The following ATM variants were observed in gnomAD, a reference collection of about 807,000 sequenced individuals.
ATM encodes the protein ATM serine/threonine kinase.
A neutral mutation model predicts 387.0 loss-of-function variants in ATM; 308 were observed. The observed-to-expected ratio is 0.80, with a 90% CI of 0.73 to 0.87. The LOEUF is 0.87. Ranked by LOEUF, ATM falls within the 40% of genes least tolerant of loss-of-function variation. ATM has a pLI of 0.00. For synonymous variants in ATM, 1,156 were observed against 1,187.3 expected, an observed-to-expected ratio of 0.97 and a Z score of 0.54; for missense variants, 3,312 against 3,560.9, an observed-to-expected ratio of 0.93 and a Z score of 1.78.
chr11:108,309,718 C>T (rs563387286), intron 38 of ATM, among the ~76,000 whole-genome samples: 19 of 152,216 alleles, frequency 1.2e-4, no homozygotes, highest in African/African-American at 4.3e-4. Context: ...GAAAATAAGT[C>T]ACAATAGGAA....
Position 108,267,238 on chromosome 11 carries a change from A to G in ATM, c.2534A>G (p.Asn845Ser), listed in dbSNP as rs1060501591. Reference protein sequence around the residue: ...VESMEDDTNGNLMEVEDQSSM... With the variant: ...VESMEDDTNGSLMEVEDQSSM... ...TCAATGGAAGATGATACTAATGGAAATCTAATGGAGGTGGAGGATCAGTCA... is the reference window on the plus strand; with the variant it reads ...TCAATGGAAGATGATACTAATGGAAGTCTAATGGAGGTGGAGGATCAGTCA... Residue 845 changes from asparagine to serine, a missense_variant, in exon 17 of 63, where the codon AAT becomes AGT. Asn to Ser is a conservative substitution (Grantham distance 46, BLOSUM62 1). Coordinates refer to ENST00000675843, the MANE Select transcript of ATM (RefSeq NM_000051.4). 6.2e-7 allele frequency: 1 copy of G among 1,614,156 alleles called. No individual in the cohort carries two copies. The highest frequency in any genetic ancestry group is 8.5e-7 in the Non-Finnish European group (1 of 1,179,990).
In ATM at chr11:108,284,507, C is replaced by G. The variant is rs776708685; in HGVS notation, c.3993+34C>G. The G allele has an allele frequency of 1.1e-5, 17 of 1,608,426 alleles. No individual in the cohort carries two copies. Among genetic ancestry groups the G allele is most frequent in the Non-Finnish European group, 1.4e-5 (16 of 1,175,534 alleles). Reference sequence around the variant, plus strand: ...TCAATTTTTATGTACTTTTCATTCCCTGAATGATATGAGATATAACCTTTA... The same window carrying G: ...TCAATTTTTATGTACTTTTCATTCCGTGAATGATATGAGATATAACCTTTA... On this transcript the variant is annotated intron_variant, in intron 26 of 62. Transcript: ENST00000675843.
rs1256439576 is a variant in ATM at position 108,262,045 on chromosome 11, T to A, written c.2466+2970T>A. Among the ~76,000 whole-genome samples the A allele has an allele frequency of 7.2e-5, 11 of 152,306 alleles. No individual in the cohort carries two copies. The East Asian group carries it at 2.1e-3, about 29-fold the overall frequency. On this transcript the variant is annotated intron_variant, in intron 16 of 62. Coordinates refer to ENST00000675843, the MANE Select transcript of ATM (RefSeq NM_000051.4). Reference sequence around the variant, plus strand: ...AAGTAACGGGGAGAATGGAACCAAGTTGGAAAACACTCTGCAGGATATTAT... The same window carrying A: ...AAGTAACGGGGAGAATGGAACCAAGATGGAAAACACTCTGCAGGATATTAT...
At chr11:108,296,279 C>T (rs1166734687) in intron 32 of ATM, among the ~76,000 whole-genome samples, 1 of 150,364 alleles carries the variant, frequency 6.7e-6, no homozygotes, top group African/African-American at 2.5e-5. Context: ...GAAACGAAGT[C>T]TCACTCTGTC....
At chr11:108,244,183 T>C in intron 6 of ATM, 65 bp downstream of exon 6, 3 of 1,564,018 alleles carry the variant, frequency 1.9e-6, no homozygotes, top group South Asian at 2.3e-5. Flanking sequence ...GACCATGTTT[T>C]AGACTCAGTA....
In ATM at chr11:108,368,900, A is replaced by G. The variant is rs1037340869; in HGVS notation, c.*3392A>G. ...AAAGCAAAGAGGAAAAACTTTGGACAGCGTAAAGACTAGAATAGTCTTTTA... is the reference window on the plus strand; with the variant it reads ...AAAGCAAAGAGGAAAAACTTTGGACGGCGTAAAGACTAGAATAGTCTTTTA... On this transcript the variant is annotated 3_prime_UTR_variant, in exon 63 of 63. Coordinates refer to ENST00000675843, the MANE Select transcript of ATM (RefSeq NM_000051.4). 5.5e-5 allele frequency: 11 copies of G among 199,920 alleles called. No individual in the cohort carries two copies. Among genetic ancestry groups the G allele is most frequent in the Non-Finnish European group, 1.1e-4 (11 of 96,892 alleles). 12.4% of individuals were successfully genotyped at this position (199,920 alleles called of 1,614,324 possible).
At position 108,316,111 on chromosome 11, in the gene ATM, C is replaced by A. The variant is rs1361215494; in HGVS notation, c.6196C>A (p.Gln2066Lys). The part of the protein sequence containing the change: ...PSSTRQAGII[Q>K]ALQNLGLCHI... ...ATCAACACGCCAGGCAGGAATCATT[C>A]AGGTACATTTTTTCCCAGATTTGGT... Residue 2066 changes from glutamine to lysine, a missense_variant and splice_region_variant, in exon 42 of 63, where the codon CAG becomes AAG. Around this residue, in one of 4 missense-constraint regions of ATM, gnomAD observed 1,405 missense variants for 1,604.4 expected, o/e 0.88. Transcript: ENST00000675843. 6.2e-7 allele frequency: 1 copy of A among 1,613,586 alleles called. No individual in the cohort carries two copies. The highest frequency in any genetic ancestry group is 1.7e-5 in the Admixed American group (1 of 59,986).
chr11:108,241,931 A>G (rs2079583756), intron 5 of ATM, among the ~76,000 whole-genome samples: 4 of 151,198 alleles, frequency 2.6e-5, no homozygotes, highest in African/African-American at 9.7e-5. Context: ...TTTAGTAGAG[A>G]TAAGGTCTTA....
rs1336477936 is a variant in ATM at position 108,293,294 on chromosome 11, C to T, written c.4612-19C>T. 2.9e-6 allele frequency: 4 copies of T among 1,379,256 alleles called. No individual in the cohort carries two copies. The Admixed American group carries it at 7.3e-5, about 25-fold the overall frequency. 85.4% of individuals were successfully genotyped at this position (1,379,256 alleles called of 1,614,324 possible). A position where few individuals can be genotyped will look rare whatever the true frequency, so the allele number is the denominator to read the frequency against. ...ATTATTTCTCTCCTTATAATTTTTT[C>T]TTTTTAAATTATATTTAGGTATTGG... On this transcript the variant is annotated intron_variant, in intron 30 of 62. Transcript: ENST00000675843.
At chr11:108,232,527 C>CT (rs71047685) in intron 4 of ATM, among the ~76,000 whole-genome samples, 925 of 58,206 alleles carry the variant, frequency 0.016, 99 homozygotes, top group East Asian at 0.052. Context: ...GATTTCTCTC[C>CT]TTTTTTTTTT....
chr11:108,287,820 C>G (rs2082574265), intron 27 of ATM, 105 bp downstream of exon 27: 3 of 817,524 alleles, frequency 3.7e-6, no homozygotes, highest in Non-Finnish European at 5.8e-6. Context: ...AGACATCACT[C>G]TTTTTAAAAA....
intron 48 of ATM, among the ~76,000 whole-genome samples, chr11:108,328,148 T>C (rs1170391087): frequency 6.6e-6 from 1 of 152,200 alleles, no homozygotes; most frequent in African/African-American, 2.4e-5. Context: ...CCCTTTGACT[T>C]TCCTGTTTCT....
rs566406705 is a variant in ATM at position 108,274,549 on chromosome 11, A to G, written c.3284+1697A>G. ...CTAAACACTGCTTTAGCTGTGTCCC[A>G]GAGATTCTGGTACATTGTGTCTTTG... is the stretch of plus-strand genomic sequence containing the variant. On this transcript the variant is annotated intron_variant, in intron 22 of 62. Coordinates refer to ENST00000675843, the MANE Select transcript of ATM (RefSeq NM_000051.4). Among the ~76,000 whole-genome samples the G allele has an allele frequency of 4.6e-5, 7 of 152,328 alleles. No homozygotes were observed. In the East Asian group the frequency reaches 7.7e-4, roughly 17 times the overall value.
At position 108,267,843 on chromosome 11, in the gene ATM, G is replaced by A. The variant is rs1429565517; in HGVS notation, c.2638+501G>A. 2.0e-5 allele frequency among the ~76,000 whole-genome samples: 3 copies of A among 152,230 alleles called. 1 individual carries two copies. In the South Asian group the frequency reaches 6.2e-4, roughly 32 times the overall value. ...ACTGCATTCCAGCCTGGGCGACAGA[G>A]CGAGACTCCGTCTCAAAAAAAGAAA... On this transcript the variant is annotated intron_variant, in intron 17 of 62. Coordinates refer to ENST00000675843, the MANE Select transcript of ATM (RefSeq NM_000051.4).
Position 108,365,442 on chromosome 11 carries a change from C to T in ATM, c.9105C>T (p.Leu3035=), listed in dbSNP as rs1353790236. The change falls in exon 63 of 63, where the codon CTC becomes CTT. Residue 3035 remains leucine, a synonymous_variant. Transcript: ENST00000675843. ...GTGTTGGTGGACAAGTGAATTTGCT[C>T]ATACAGCAGGCCATAGACCCCAAAA... is the stretch of plus-strand genomic sequence containing the variant. The part of the protein sequence containing the change: ...VLSVGGQVNL[L]IQQAIDPKNL... 6.2e-7 allele frequency: 1 copy of T among 1,614,166 alleles called. No homozygotes were observed. Among genetic ancestry groups the T allele is most frequent in the Non-Finnish European group, 8.5e-7 (1 of 1,180,034 alleles).
In ATM at chr11:108,271,420, A is replaced by G. The variant is rs977758069; in HGVS notation, c.3077+14A>G. Reference sequence around the variant, plus strand: ...TGGAGCATTTTGGTAGGTACAGTCTATTTTGTGGTCCTATTTTTCTTTTGC... The same window carrying G: ...TGGAGCATTTTGGTAGGTACAGTCTGTTTTGTGGTCCTATTTTTCTTTTGC... On this transcript the variant is annotated intron_variant, in intron 20 of 62. Transcript: ENST00000675843. 6 of 1,613,890 alleles carry G rather than the reference A, an allele frequency of 3.7e-6. No homozygotes were observed. Among genetic ancestry groups the G allele is most frequent in the Non-Finnish European group, 5.1e-6 (6 of 1,179,954 alleles).
At chr11:108,336,943 C>T (rs1231248976) in intron 56 of ATM, among the ~76,000 whole-genome samples, 1 of 152,144 alleles carries the variant, frequency 6.6e-6, no homozygotes, top group Non-Finnish European at 1.5e-5. Flanking sequence ...ATTCCTGTAC[C>T]TCATTTTTAA....
rs1222455348 is a variant in ATM, at chr11:108,365,067, G to T, written c.8851-15G>T. 1 of 1,613,272 alleles carries T rather than the reference G, an allele frequency of 6.2e-7. No individual in the cohort carries two copies. Among genetic ancestry groups the T allele is most frequent in the African/African-American group, 1.3e-5 (1 of 74,986 alleles). On this transcript the variant is annotated splice_polypyrimidine_tract_variant and intron_variant, in intron 61 of 62. Transcript: ENST00000675843. ...TGTACATTGTTCTTTTAATACATAT[G>T]TTCTCTCTGTTTAGGTCCTTCTATA...
In ATM at chr11:108,369,086, ATAAT is replaced by A. The variant is rs1288453768; in HGVS notation, c.*3580_*3583del. 5.8e-6 allele frequency: 1 copy of A among 170,990 alleles called. No homozygotes were observed. Among genetic ancestry groups the A allele is most frequent in the Non-Finnish European group, 1.3e-5 (1 of 79,134 alleles). 10.6% of individuals were successfully genotyped at this position (170,990 alleles called of 1,614,324 possible). A position where few individuals can be genotyped will look rare whatever the true frequency, so the allele number is the denominator to read the frequency against. ...TTTATTATAAAGTGTTTTTGAATAA[ATAAT>A]TCTAAAAGCATATACTAAGACTCAT... On this transcript the variant is annotated 3_prime_UTR_variant, in exon 63 of 63. Transcript: ENST00000675843.
Sources: gnomAD v4.1 joint callset for allele counts (sites outside exome capture counted in the v4.1 genomes callset) on GRCh38, gnomAD v4.1.1 for gene constraint, gnomAD v4.1.1 regional missense constraint, MANE v1.5 for transcripts, NCBI Gene and HGNC (gene_info 2026-07-23, HGNC 2026-07-21) for gene names.